Variants in HMG20A observed in about 807,000 individuals in gnomAD.
HMG20A encodes the protein high mobility group protein 20A.
HMG20A carries 17 observed loss-of-function variants against 43.9 expected under a neutral mutation model. The observed-to-expected ratio is 0.39, with a 90% CI of 0.27 to 0.58. The LOEUF (loss-of-function observed/expected upper bound fraction) is 0.58, where lower values mean the gene tolerates loss of function less well. HMG20A is among the 20% of genes least tolerant of loss of function. The pLI is 0.59. For synonymous variants in HMG20A, 132 were observed against 147.5 expected (o/e 0.89, Z 0.76); for missense variants, 341 against 438.2 (o/e 0.78, Z 1.98).
intron 1 of HMG20A, among the ~76,000 whole-genome samples, chr15:77,457,478 C>G (rs764457559): frequency 6.6e-6 from 1 of 152,196 alleles, no homozygotes; most frequent in South Asian, 2.1e-4. Flanking sequence ...TTTGAATATC[C>G]CTTTCATGAT....
chr15:77,492,355 G>A, the HMG20A span, among the ~76,000 whole-genome samples: 1 of 152,160 alleles, frequency 6.6e-6, no homozygotes, highest in Non-Finnish European at 1.5e-5. Flanking sequence ...ACTGGGGCTT[G>A]TTGCCAATGT....
At chr15:77,466,469 C>T (rs915695464) in intron 3 of HMG20A, among the ~76,000 whole-genome samples, 1 of 152,166 alleles carries the variant, frequency 6.6e-6, no homozygotes, top group Non-Finnish European at 1.5e-5. Flanking sequence ...ATTATACTTA[C>T]TAAAATTTTT....
intron 7 of HMG20A, among the ~76,000 whole-genome samples, chr15:77,477,888 G>A (rs1296456521): frequency 1.3e-5 from 2 of 152,162 alleles, no homozygotes; most frequent in Non-Finnish European, 1.5e-5. Context: ...TTACATGGGA[G>A]TCCAAAATAT....
At chr15:77,510,972 C>G in the HMG20A span, among the ~76,000 whole-genome samples, 2 of 152,340 alleles carry the variant, frequency 1.3e-5, no homozygotes, top group East Asian at 1.9e-4. Context: ...TTCTGTAGGA[C>G]CTCCTTCCCT....
chr15:77,474,604 A>G (rs955739882), intron 6 of HMG20A, among the ~76,000 whole-genome samples: 9 of 152,220 alleles, frequency 5.9e-5, no homozygotes, highest in African/African-American at 1.9e-4. Context: ...AGTTAAGTAA[A>G]CTATTTGGTT....
At chr15:77,514,585 G>T in the HMG20A span, among the ~76,000 whole-genome samples, 1 of 152,324 alleles carries the variant, frequency 6.6e-6, no homozygotes, top group South Asian at 2.1e-4. Context: ...AGCATGAACT[G>T]AAATAAGGTT....
intron 2 of HMG20A, among the ~76,000 whole-genome samples, chr15:77,462,689 CTCTT>C (rs2072715534): frequency 6.6e-6 from 1 of 151,876 alleles, no homozygotes; most frequent in South Asian, 2.1e-4. Flanking sequence ...TTATCTTTGA[CTCTT>C]CCTTTCTTTC....
At chr15:77,447,045 C>T (rs1467592049) in intron 1 of HMG20A, among the ~76,000 whole-genome samples, 3 of 152,152 alleles carry the variant, frequency 2.0e-5, no homozygotes, top group Admixed American at 1.3e-4. Flanking sequence ...TTTCATAGTA[C>T]ACCCATGTCC....
At chr15:77,471,112 A>G (rs964703800) in intron 5 of HMG20A, 70 bp downstream of exon 5, 34 of 1,457,358 alleles carry the variant, frequency 2.3e-5, no homozygotes, top group Non-Finnish European at 3.0e-5. Flanking sequence ...GCCAACTGTT[A>G]AGAGTGGTAA....
the HMG20A span, among the ~76,000 whole-genome samples, chr15:77,506,383 C>CGCT: frequency 6.6e-6 from 1 of 152,132 alleles, no homozygotes; most frequent in Non-Finnish European, 1.5e-5. Flanking sequence ...TGCTGGTTCA[C>CGCT]GATGAAGCCG....
chr15:77,458,282 T>G (rs1356191616), intron 1 of HMG20A, 122 bp from the exon 2 acceptor site: 3 of 621,078 alleles, frequency 4.8e-6, no homozygotes, highest in East Asian at 5.7e-5. Context: ...AATAAATATT[T>G]AGGTCAGTTT....
At chr15:77,503,167 A>T in the HMG20A span, among the ~76,000 whole-genome samples, 1 of 152,166 alleles carries the variant, frequency 6.6e-6, no homozygotes, top group Admixed American at 6.5e-5. Context: ...AAGACAAAGC[A>T]TAGATAGATA....
chr15:77,470,429 C>T (rs1201919109), intron 4 of HMG20A, among the ~76,000 whole-genome samples: 1 of 152,210 alleles, frequency 6.6e-6, no homozygotes, highest in Non-Finnish European at 1.5e-5. Flanking sequence ...GCTCCAACCT[C>T]CTGGCTCTTA....
the HMG20A span, among the ~76,000 whole-genome samples, chr15:77,519,515 G>T: frequency 1.3e-5 from 2 of 152,134 alleles, no homozygotes; most frequent in African/African-American, 4.8e-5. Context: ...AGTCCTGAAG[G>T]CTCTGCCCTT....
rs751014528 is a variant in HMG20A at position 77,467,321 on chromosome 15, T to C, written c.450+14T>C. On this transcript the variant is annotated intron_variant, in intron 4 of 9. Coordinates refer to ENST00000336216, the MANE Select transcript of HMG20A (RefSeq NM_001304504.2). ...GAGGAAAAACAGGTAATTGTTCCTA[T>C]TCCTGACTCTTTGTTTGGTTTTGAT... 2 of 1,583,060 alleles carry C rather than the reference T, an allele frequency of 1.3e-6. No homozygotes were observed. The highest frequency in any genetic ancestry group is 1.7e-6 in the Non-Finnish European group (2 of 1,151,988).
the HMG20A span, among the ~76,000 whole-genome samples, chr15:77,494,432 C>T: frequency 6.6e-6 from 1 of 152,194 alleles, no homozygotes; most frequent in African/African-American, 2.4e-5. Flanking sequence ...TACCCGGCCC[C>T]TACTGCTAAC....
chr15:77,487,841 A>G (rs2072953694), downstream of HMG20A, among the ~76,000 whole-genome samples: 1 of 152,196 alleles, frequency 6.6e-6, no homozygotes, highest in Non-Finnish European at 1.5e-5. Flanking sequence ...TCAAATATAT[A>G]CTTCAGTATC....
the HMG20A span, among the ~76,000 whole-genome samples, chr15:77,506,243 C>A: frequency 6.6e-6 from 1 of 151,952 alleles, no homozygotes; most frequent in African/African-American, 2.4e-5. Context: ...CATATCCCAC[C>A]CCGATCCCAG....
rs146700313 is a variant in HMG20A at position 77,478,344 on chromosome 15, G to A, written c.741G>A (p.Glu247=). 6.2e-7 allele frequency: 1 copy of A among 1,613,696 alleles called. No individual in the cohort carries two copies. The highest frequency in any genetic ancestry group is 1.7e-5 in the Admixed American group (1 of 60,022). ...RQLRKSNMEF[E]ERNAALQKHV... ...TTCGCAAATCCAACATGGAGTTTGA[G>A]GAGAGGAATGCAGCCCTGCAAAAGC... The change falls in exon 8 of 10, where the codon GAG becomes GAA. Residue 247 remains glutamate (E), a synonymous_variant. Transcript: ENST00000336216.
Sources: allele counts gnomAD v4.1 joint callset (sites outside exome capture counted in the v4.1 genomes callset), GRCh38; gene constraint gnomAD v4.1.1; transcripts MANE v1.5; gene names NCBI Gene and HGNC (gene_info 2026-07-23, HGNC 2026-07-21).